APP: variants seen among roughly 807,000 people sequenced by gnomAD.
The protein encoded by APP is amyloid beta precursor protein, also known as amyloid-beta precursor protein.
APP carries 31 observed loss-of-function variants against 101.4 expected under a neutral mutation model. That is an observed-to-expected ratio of 0.31 (90% CI 0.23 to 0.41). APP has a LOEUF of 0.41. Among genes scored for constraint, APP ranks in the 10% least tolerant of loss-of-function variants. APP has a pLI of 1.00. For synonymous variants in APP, 366 were observed against 364.4 expected (o/e 1.00, Z -0.05); for missense variants, 839 against 1,003.7 (o/e 0.84, Z 2.22).
intron 13 of APP, among the ~76,000 whole-genome samples, chr21:25,914,412 T>C (rs138652595): frequency 2.0e-5 from 3 of 152,086 alleles, no homozygotes; most frequent in African/African-American, 7.2e-5. Context: ...AATCAAGTCA[T>C]GACAGTTCCA....
chr21:26,088,532 T>C (rs1239589496), intron 3 of APP, among the ~76,000 whole-genome samples: 1 of 152,178 alleles, frequency 6.6e-6, no homozygotes, highest in Non-Finnish European at 1.5e-5. Context: ...GCCTGGCCCA[T>C]CAAATTAACA....
Position 25,947,128 on chromosome 21 carries a change from T to C in APP, c.1687+7462A>G, listed in dbSNP as rs921933547. On this transcript the variant is annotated intron_variant, in intron 13 of 17. Transcript: ENST00000346798. ...AAATCATTCAGGAAAACGGATGCTG[T>C]ATTACATGTGAATTTTTAAAGGTCA... is the stretch of plus-strand genomic sequence containing the variant. 7.2e-5 allele frequency among the ~76,000 whole-genome samples: 11 copies of C among 152,234 alleles called. No homozygotes were observed. In the South Asian group the frequency reaches 2.1e-3, roughly 29 times the overall value.
intron 8 of APP, among the ~76,000 whole-genome samples, chr21:25,989,617 C>T (rs2042779049): frequency 6.6e-6 from 1 of 152,146 alleles, no homozygotes; most frequent in African/African-American, 2.4e-5. Flanking sequence ...TAGATTCTAA[C>T]AAGAAAATTG....
chr21:25,958,027 T>C (rs868358637), intron 11 of APP, among the ~76,000 whole-genome samples: 8 of 152,090 alleles, frequency 5.3e-5, no homozygotes, highest in African/African-American at 1.4e-4. Flanking sequence ...ACAGTAAGAA[T>C]TGCTTTTCAT....
In APP at chr21:25,961,105, C is replaced by G. The variant is rs73338708; in HGVS notation, c.1459-5350G>C. 6.6e-3 allele frequency among the ~76,000 whole-genome samples: 1,004 copies of G among 152,282 alleles called. 13 individuals carry two copies. The highest frequency in any genetic ancestry group is 0.023 in the African/African-American group (937 of 41,568). The stretch of plus-strand genomic sequence containing the variant: ...GCTGGGAACTGCTTAGAGCCAATCA[C>G]CCTGATTGTCTACCCTGGAGAGGCT... On this transcript the variant is annotated intron_variant, in intron 11 of 17. Coordinates refer to ENST00000346798, the MANE Select transcript of APP (RefSeq NM_000484.4).
intron 3 of APP, among the ~76,000 whole-genome samples, chr21:26,067,767 T>C (rs1327854990): frequency 1.3e-5 from 2 of 152,214 alleles, no homozygotes; most frequent in African/African-American, 2.4e-5. Flanking sequence ...GAACCTACTT[T>C]AGCTTAGTTC....
intron 2 of APP, among the ~76,000 whole-genome samples, chr21:26,109,699 G>A (rs1320695641): frequency 1.5e-5 from 2 of 131,360 alleles, no homozygotes; most frequent in South Asian, 2.8e-4. Context: ...GGAAAAGAGG[G>A]GTGTTCCTGG....
intron 1 of APP, among the ~76,000 whole-genome samples, chr21:26,114,991 G>A (rs2246115): frequency 6.6e-5 from 10 of 151,776 alleles, no homozygotes; most frequent in Non-Finnish European, 1.3e-4. Context: ...TGATTACGGC[G>A]CTATAACTGT....
At chr21:26,034,373 G>A (rs890609601) in intron 5 of APP, among the ~76,000 whole-genome samples, 8 of 152,118 alleles carry the variant, frequency 5.3e-5, no homozygotes, top group Non-Finnish European at 1.0e-4. Flanking sequence ...GGCCAGGCAC[G>A]GTGGCTCAGG....
intron 15 of APP, 55 bp from the exon 16 acceptor site, chr21:25,897,728 ATAATAACACTG>A: frequency 7.0e-7 from 1 of 1,432,402 alleles, no homozygotes; most frequent in Non-Finnish European, 9.8e-7. Context: ...TTACTCATAA[ATAATAACACTG>A]TAAGACAAAG....
chr21:25,902,079 T>G (rs2038528244), intron 15 of APP, among the ~76,000 whole-genome samples: 1 of 152,176 alleles, frequency 6.6e-6, no homozygotes, highest in Non-Finnish European at 1.5e-5. Context: ...TACTTGACAC[T>G]GCATGCTGGA....
chr21:25,996,087 G>C (rs2043045134), intron 8 of APP, among the ~76,000 whole-genome samples: 1 of 151,986 alleles, frequency 6.6e-6, no homozygotes, highest in South Asian at 2.1e-4. Context: ...TCTATTTCTG[G>C]ATGGAATCCA....
chr21:26,012,587 C>CT, intron 6 of APP, among the ~76,000 whole-genome samples: 1 of 152,186 alleles, frequency 6.6e-6, no homozygotes, highest in Admixed American at 6.5e-5. Context: ...ACTCATTGTT[C>CT]TGCAAGGGAA....
At chr21:25,910,731 G>A (rs1951472646) in intron 14 of APP, among the ~76,000 whole-genome samples, 1 of 152,160 alleles carries the variant, frequency 6.6e-6, no homozygotes, top group African/African-American at 2.4e-5. Flanking sequence ...AACATTTAGA[G>A]CAATGTGCTC....
intron 3 of APP, among the ~76,000 whole-genome samples, chr21:26,069,845 TAC>T (rs2046604951): frequency 6.6e-6 from 1 of 152,074 alleles, no homozygotes; most frequent in African/African-American, 2.4e-5. Flanking sequence ...GGGCAAAAAG[TAC>T]ACAGAGAATG....
chr21:25,892,920 ATT>A (rs1239903007), intron 16 of APP, among the ~76,000 whole-genome samples: 1 of 150,240 alleles, frequency 6.7e-6, no homozygotes, highest in Non-Finnish European at 1.5e-5. Context: ...ACATAGCTTT[ATT>A]GTACAGTAGT....
chr21:25,945,345 C>T lies in APP; in HGVS notation c.1687+9245G>A, dbSNP rs573139510. On this transcript the variant is annotated intron_variant, in intron 13 of 17. Transcript: ENST00000346798. The stretch of plus-strand genomic sequence containing the variant: ...CTCATTAACATTATATATAAATATT[C>T]CCCAAAATGATCTACAGATCCAATG... Among the ~76,000 whole-genome samples, 9 of 140,814 alleles carry T rather than the reference C, an allele frequency of 6.4e-5. No homozygotes were observed. The South Asian group carries it at 1.8e-3, about 28-fold the overall frequency. The allele number at this position is 140,814 out of a possible 152,430, so 92.4% of individuals were successfully genotyped here.
intron 17 of APP, among the ~76,000 whole-genome samples, chr21:25,883,021 A>T (rs2037089067): frequency 6.6e-6 from 1 of 152,182 alleles, no homozygotes; most frequent in South Asian, 2.1e-4. Context: ...GCGAGGATGT[A>T]GTGTCAGCAG....
At chr21:26,053,867 G>A (rs2045934650) in intron 3 of APP, among the ~76,000 whole-genome samples, 1 of 152,130 alleles carries the variant, frequency 6.6e-6, no homozygotes, top group Non-Finnish European at 1.5e-5. Flanking sequence ...AAGAGAGAGA[G>A]AGTTTAATTC....
Sources: allele counts gnomAD v4.1 joint callset (sites outside exome capture counted in the v4.1 genomes callset), GRCh38; gene constraint gnomAD v4.1.1; transcripts MANE v1.5; gene names NCBI Gene and HGNC (gene_info 2026-07-23, HGNC 2026-07-21).